Variants in RHPN1 observed in about 807,000 individuals in gnomAD.
RHPN1 encodes the protein rhophilin-1.
RHPN1 carries 77 observed loss-of-function variants against 74.7 expected under a neutral mutation model. That is an observed-to-expected ratio of 1.03 (90% CI 0.86 to 1.25). The LOEUF (loss-of-function observed/expected upper bound fraction) is 1.25, where lower values mean the gene tolerates loss of function less well. RHPN1 is among the 50% of genes most tolerant of loss of function. The pLI, the probability that RHPN1 is intolerant of heterozygous loss-of-function variation, is 0.00. For missense variants in RHPN1, 987 were observed against 932.2 expected (o/e 1.06, Z -0.77); for synonymous variants, 444 against 414.5 (o/e 1.07, Z -0.87).
At position 143,374,197 on chromosome 8, in the gene RHPN1, G is replaced by C. The variant is rs955747942; in HGVS notation, c.61-1356G>C. The C allele has an allele frequency of 1.1e-5, 11 of 985,358 alleles. No individual in the cohort carries two copies. The African/African-American group carries it at 1.7e-4, about 16-fold the overall frequency. The allele number at this position is 985,358 out of a possible 1,614,324, so 61.0% of individuals were successfully genotyped here. The stretch of plus-strand genomic sequence containing the variant: ...CTTTACGGGGAAGACGGGAAGGCCT[G>C]AGAGACGTGTGTGCGTGGAGAGGGT... On this transcript the variant is annotated intron_variant, in intron 1 of 14. Transcript: ENST00000289013.
Position 143,381,738 on chromosome 8 carries a change from C to A in RHPN1, c.1635+20C>A. The stretch of plus-strand genomic sequence containing the variant: ...GCCGCGGTAAGGGCCCCGCCGGCCC[C>A]CTGAGGCTGAGTCCTTGGTGCCAGC... On this transcript the variant is annotated intron_variant, in intron 13 of 14. Coordinates refer to ENST00000289013, the MANE Select transcript of RHPN1 (RefSeq NM_052924.3). The A allele has an allele frequency of 6.2e-7, 1 of 1,606,804 alleles. No individual in the cohort carries two copies. Among genetic ancestry groups the A allele is most frequent in the Non-Finnish European group, 8.5e-7 (1 of 1,177,286 alleles).
Position 143,375,599 on chromosome 8 carries a change from G to C in RHPN1, c.107G>C (p.Arg36Pro). 1 of 1,607,242 alleles carries C rather than the reference G, an allele frequency of 6.2e-7. No homozygotes were observed. Among genetic ancestry groups the C allele is most frequent in the Non-Finnish European group, 8.5e-7 (1 of 1,177,758 alleles). Residue 36 changes from arginine (R) to proline (P), a missense_variant, in exon 2 of 15, where the codon CGC becomes CCC. Coordinates refer to ENST00000289013, the MANE Select transcript of RHPN1 (RefSeq NM_052924.3). Reference protein sequence around the residue: ...TQIQCGQLQSRRAQIHQQIDK... With the variant: ...TQIQCGQLQSPRAQIHQQIDK... ...ATCCAGTGCGGCCAGCTGCAGAGCC[G>C]CAGGGCCCAGATTCACCAGCAGATT... is the stretch of plus-strand genomic sequence containing the variant.
At chr8:143,376,764 CTGTG>C (rs373671345) in intron 3 of RHPN1, 111 bp downstream of exon 3, 124 of 1,256,870 alleles carry the variant, frequency 9.9e-5, no homozygotes, top group African/African-American at 3.0e-4. Flanking sequence ...TGTGCATTGT[CTGTG>C]TGTGTGCGTG....
chr8:143,369,759 T>C (rs1817701814), intron 1 of RHPN1, among the ~76,000 whole-genome samples: 1 of 152,196 alleles, frequency 6.6e-6, no homozygotes, highest in Non-Finnish European at 1.5e-5. Flanking sequence ...CGCCACGGGC[T>C]TTCAGCCGCG....
intron 14 of RHPN1, 110 bp downstream of exon 14, chr8:143,382,078 G>T: frequency 6.8e-6 from 8 of 1,176,088 alleles, no homozygotes; most frequent in Non-Finnish European, 9.3e-6. Context: ...TGGGGCTGCA[G>T]GTAACCCTCC....
At chr8:143,366,635 TAAAGA>T (rs925560074), upstream of RHPN1, 15 of 151,882 alleles carry the variant, frequency 9.9e-5, no homozygotes, top group African/African-American at 3.4e-4. Context: ...AATAAATAAA[TAAAGA>T]AAATAGTAAT....
chr8:143,381,926 G>C lies in RHPN1; in HGVS notation c.1755G>C (p.Leu585=). The part of the protein sequence containing the change: ...LKAAGEAGAS[L]QVVSLLPSSR... ...CTGCGGGAGAGGCGGGCGCCAGCCT[G>C]CAGGTGGTGTCGCTGCTGCCCAGCT... The change falls in exon 14 of 15, where the codon CTG becomes CTC. Residue 585 remains leucine (L), a synonymous_variant. Transcript: ENST00000289013. 1 of 1,610,534 alleles carries C rather than the reference G, an allele frequency of 6.2e-7. No individual in the cohort carries two copies. The highest frequency in any genetic ancestry group is 2.2e-5 in the East Asian group (1 of 44,864).
chr8:143,382,338 C>A, intron 14 of RHPN1, 98 bp from the exon 15 acceptor site: 2 of 1,084,862 alleles, frequency 1.8e-6, no homozygotes, highest in Non-Finnish European at 2.7e-6. Flanking sequence ...CCCCGACGTG[C>A]CAGCCCCTCC....
intron 3 of RHPN1, among the ~76,000 whole-genome samples, chr8:143,377,065 T>C (rs1021633353): frequency 2.9e-5 from 4 of 138,780 alleles, no homozygotes; most frequent in African/African-American, 1.4e-4. Context: ...TGTGTGCGCG[T>C]GTGTGTGTCT....
At chr8:143,377,508 G>A in intron 4 of RHPN1, 53 bp downstream of exon 4, 1 of 1,379,166 alleles carries the variant, frequency 7.3e-7, no homozygotes, top group Non-Finnish European at 1.0e-6. Flanking sequence ...TGGGACCAAG[G>A]GGGTCTTGGA....
chr8:143,380,815 A>G, intron 11 of RHPN1, 32 bp downstream of exon 11: 1 of 1,488,936 alleles, frequency 6.7e-7, no homozygotes, highest in Non-Finnish European at 9.0e-7. Context: ...GGGTGGCTGC[A>G]TCCCTGGCCA....
chr8:143,381,287 A>G lies in RHPN1; in HGVS notation c.1431A>G (p.Pro477=). Residue 477 remains proline, a synonymous_variant, in exon 12 of 15, where the codon CCA becomes CCG. Coordinates refer to ENST00000289013, the MANE Select transcript of RHPN1 (RefSeq NM_052924.3). Reference sequence around the variant, plus strand: ...TCTCAGCTAAGACCCACCAGAAGCCAGAGGCCAGGATGCCACGCCTGTCCC... The same window carrying G: ...TCTCAGCTAAGACCCACCAGAAGCCGGAGGCCAGGATGCCACGCCTGTCCC... ...PDIQPKTHQK[P]EARMPRLSQG... is the part of the protein sequence containing the mutation. The G allele has an allele frequency of 1.9e-6, 3 of 1,613,110 alleles. No homozygotes were observed. Among genetic ancestry groups the G allele is most frequent in the South Asian group, 1.1e-5 (1 of 90,958 alleles).
rs759066358 is a variant in RHPN1, at chr8:143,380,144, G to A, written c.1185G>A (p.Leu395=). 6.5e-7 allele frequency: 1 copy of A among 1,548,044 alleles called. No homozygotes were observed. Among genetic ancestry groups the A allele is most frequent in the Non-Finnish European group, 8.7e-7 (1 of 1,147,124 alleles). The part of the protein sequence containing the change: ...PTSSKPRGPV[L]PQELEERRQL... ...CCTCTAAGCCCCGAGGCCCTGTGCT[G>A]CCGCAGGAGCTGGAGGAGCGCAGGC... Residue 395 remains leucine (L), a synonymous_variant, in exon 10 of 15, where the codon CTG becomes CTA. Transcript: ENST00000289013.
At chr8:143,381,999 C>T in intron 14 of RHPN1, 31 bp downstream of exon 14, 1 of 1,540,786 alleles carries the variant, frequency 6.5e-7, no homozygotes, top group Non-Finnish European at 8.7e-7. Flanking sequence ...AGGGGCGGTC[C>T]CCAGCTTGCT....
At chr8:143,375,455 A>T in intron 1 of RHPN1, 98 bp from the exon 2 acceptor site, 1 of 741,424 alleles carries the variant, frequency 1.3e-6, no homozygotes, top group Non-Finnish European at 2.1e-6. Context: ...CCATCCCGTT[A>T]CCCATGGGCA....
rs781485904 is a variant in RHPN1, at chr8:143,381,570, A to G, written c.1489-2A>G. Reference sequence around the variant, plus strand: ...GGCCTCTGACCTCTGAGCCCCTGCCAGGGGCCCCTGTCTGTGTTCTCAGCC... The same window carrying G: ...GGCCTCTGACCTCTGAGCCCCTGCCGGGGGCCCCTGTCTGTGTTCTCAGCC... On this transcript the variant is annotated splice_acceptor_variant, in intron 12 of 14. Transcript: ENST00000289013. LOFTEE classifies it high-confidence loss of function. 3.7e-6 allele frequency: 6 copies of G among 1,605,518 alleles called. No homozygotes were observed. The East Asian group carries it at 1.1e-4, about 30-fold the overall frequency.
intron 1 of RHPN1, among the ~76,000 whole-genome samples, chr8:143,370,284 T>C (rs942408132): frequency 2.0e-5 from 3 of 152,204 alleles, no homozygotes; most frequent in African/African-American, 7.2e-5. Flanking sequence ...GCCGTGTCTC[T>C]CACAGCGTCC....
intron 4 of RHPN1, among the ~76,000 whole-genome samples, chr8:143,377,884 G>A (rs944764875): frequency 6.6e-5 from 10 of 152,210 alleles, no homozygotes; most frequent in Admixed American, 5.9e-4. Context: ...AGGGCCCCAC[G>A]GGAGCCACTG....
In RHPN1 at chr8:143,379,037, A is replaced by C. The variant is rs1236584958; in HGVS notation, c.710A>C (p.Glu237Ala). ...IGARQDRSCT[E>A]GARRAMEAFQ... ...GCGCGCCAGGACCGCTCCTGCACCGAGGGTGCCCGCCGCGCTATGGAGGCC... is the reference window on the plus strand; with the variant it reads ...GCGCGCCAGGACCGCTCCTGCACCGCGGGTGCCCGCCGCGCTATGGAGGCC... Residue 237 changes from glutamate (E) to alanine (A), a missense_variant, in exon 7 of 15, where the codon GAG (glutamate) becomes GCG (alanine). Transcript: ENST00000289013. 6.5e-7 allele frequency: 1 copy of C among 1,544,286 alleles called. No homozygotes were observed. Among genetic ancestry groups the C allele is most frequent in the Non-Finnish European group, 8.7e-7 (1 of 1,144,624 alleles).
Sources: gnomAD v4.1 joint callset for allele counts (sites outside exome capture counted in the v4.1 genomes callset) on GRCh38, gnomAD v4.1.1 for gene constraint, MANE v1.5 for transcripts, NCBI Gene and HGNC (gene_info 2026-07-23, HGNC 2026-07-21) for gene names.